Variants in MACROD2 observed in about 807,000 individuals in gnomAD.
MACROD2 encodes ADP-ribose glycohydrolase MACROD2.
In MACROD2, 36 loss-of-function variants were observed where a neutral mutation model predicts 70.4. The observed-to-expected ratio is 0.51, with a 90% confidence interval of 0.39 to 0.68. The LOEUF (loss-of-function observed/expected upper bound fraction) is 0.68, where lower values mean the gene tolerates loss of function less well. MACROD2 is among the 30% of genes least tolerant of loss of function. The pLI is 0.00. For synonymous variants in MACROD2, 172 were observed against 178.8 expected (o/e 0.96, Z 0.30); for missense variants, 496 against 538.4 (o/e 0.92, Z 0.78).
At chr20:15,039,002 ATC>A (rs2075334867) in intron 5 of MACROD2, among the ~76,000 whole-genome samples, 1 of 152,188 alleles carries the variant, frequency 6.6e-6, no homozygotes, top group African/African-American at 2.4e-5. Context: ...TGATACTTTT[ATC>A]TCACCCCTTA....
At position 14,690,465 on chromosome 20, in the gene MACROD2, T is replaced by G. The variant is rs150648385; in HGVS notation, c.418+5506T>G. 5.1e-3 allele frequency among the ~76,000 whole-genome samples: 775 copies of G among 152,346 alleles called. 10 individuals are homozygous for G. The highest frequency in any genetic ancestry group is 0.017 in the African/African-American group (721 of 41,578). ...GCTTAAAATGTACTGTTGATAATAA[T>G]TAGTACTTCTTTTCTGCCCTTTATC... On this transcript the variant is annotated intron_variant, in intron 5 of 17. Coordinates refer to ENST00000684519, the MANE Select transcript of MACROD2 (RefSeq NM_001351661.2).
chr20:15,027,559 G>GGT (rs375611646), intron 5 of MACROD2, among the ~76,000 whole-genome samples: 14 of 119,630 alleles, frequency 1.2e-4, no homozygotes, highest in Admixed American at 1.0e-3. Context: ...GGTGGTGGTG[G>GGT]GGGGAAATAA....
At chr20:14,011,400 C>T (rs989650046) in intron 2 of MACROD2, among the ~76,000 whole-genome samples, 4 of 152,150 alleles carry the variant, frequency 2.6e-5, no homozygotes, top group Non-Finnish European at 5.9e-5. Flanking sequence ...CTGTCCCTTC[C>T]TGTTTTAAAT....
At chr20:14,634,346 C>G (rs1984670598) in intron 4 of MACROD2, among the ~76,000 whole-genome samples, 1 of 152,198 alleles carries the variant, frequency 6.6e-6, no homozygotes, top group Non-Finnish European at 1.5e-5. Context: ...GTGTTTTGCA[C>G]AGAGTAAGCA....
At chr20:14,021,076 G>A (rs1260741047) in intron 2 of MACROD2, among the ~76,000 whole-genome samples, 3 of 140,248 alleles carry the variant, frequency 2.1e-5, no homozygotes, top group African/African-American at 5.4e-5. Flanking sequence ...TGCAAGCTCC[G>A]CCTCCCAGGT....
At chr20:14,588,418 A>G (rs919450485) in intron 4 of MACROD2, among the ~76,000 whole-genome samples, 5 of 152,188 alleles carry the variant, frequency 3.3e-5, no homozygotes, top group Non-Finnish European at 7.4e-5. Context: ...TGTTTTACCT[A>G]TATTTTTAAA....
At chr20:14,120,234 A>AAAAAG (rs1555922267) in intron 3 of MACROD2, among the ~76,000 whole-genome samples, 3 of 147,510 alleles carry the variant, frequency 2.0e-5, no homozygotes, top group Non-Finnish European at 3.0e-5. Context: ...AAAAAAAAAA[A>AAAAAG]GAAGAAGACA....
chr20:15,794,882 C>T (rs974159976), intron 8 of MACROD2, among the ~76,000 whole-genome samples: 7 of 152,082 alleles, frequency 4.6e-5, no homozygotes, highest in Non-Finnish European at 7.3e-5. Flanking sequence ...TCAGATAGAC[C>T]GATAGATACA....
intron 8 of MACROD2, among the ~76,000 whole-genome samples, chr20:15,543,578 A>T (rs2047987024): frequency 6.6e-6 from 1 of 151,718 alleles, no homozygotes; most frequent in Non-Finnish European, 1.5e-5. Context: ...TTTCCTTCCA[A>T]GCAATGAGGT....
chr20:15,163,719 T>A (rs1470199635), intron 5 of MACROD2, among the ~76,000 whole-genome samples: 1 of 151,942 alleles, frequency 6.6e-6, no homozygotes, highest in East Asian at 1.9e-4. Flanking sequence ...TTTAATGGAT[T>A]GTAAATTTTT....
intron 2 of MACROD2, among the ~76,000 whole-genome samples, chr20:14,003,199 C>G (rs2052759481): frequency 6.6e-6 from 1 of 152,138 alleles, no homozygotes; most frequent in South Asian, 2.1e-4. Flanking sequence ...TGGAACTACA[C>G]CGGGTACTAT....
rs148082988 is a variant in MACROD2, at chr20:14,423,244, G to T, written c.272-70235G>T. ...CCACAAAATTTTCTATTATTTCGAA[G>T]ATAGGTTTTTTTTTGTTTTTGTTTT... On this transcript the variant is annotated intron_variant, in intron 3 of 17. Coordinates refer to ENST00000684519, the MANE Select transcript of MACROD2 (RefSeq NM_001351661.2). Among the ~76,000 whole-genome samples, 783 of 152,256 alleles carry T rather than the reference G, an allele frequency of 5.1e-3. 18 individuals are homozygous for T. Among genetic ancestry groups the T allele is most frequent in the Admixed American group, 0.043 (650 of 15,290 alleles).
chr20:14,203,543 G>A (rs926300810), intron 3 of MACROD2, among the ~76,000 whole-genome samples: 1 of 152,138 alleles, frequency 6.6e-6, no homozygotes, highest in Non-Finnish European at 1.5e-5. Flanking sequence ...CCTTCACTGA[G>A]AAAGATTTTT....
chr20:14,493,278 G>T (rs1025831869), intron 3 of MACROD2, among the ~76,000 whole-genome samples: 24 of 151,928 alleles, frequency 1.6e-4, no homozygotes, highest in African/African-American at 4.8e-4. Flanking sequence ...AGAGAAAAAA[G>T]ATAAAAGTAG....
chr20:15,003,471 A>G (rs555550573), intron 5 of MACROD2, among the ~76,000 whole-genome samples: 6 of 152,354 alleles, frequency 3.9e-5, no homozygotes, highest in South Asian at 4.1e-4. Context: ...TAAACAGATC[A>G]TAAGAGTCTA....
At chr20:16,013,724 A>T (rs1051538230) in intron 15 of MACROD2, among the ~76,000 whole-genome samples, 3 of 152,210 alleles carry the variant, frequency 2.0e-5, no homozygotes, top group African/African-American at 4.8e-5. Flanking sequence ...CAGGAGAGAG[A>T]CAGAGAAAGT....
chr20:15,705,019 C>T (rs982479534), intron 8 of MACROD2, among the ~76,000 whole-genome samples: 3 of 152,178 alleles, frequency 2.0e-5, no homozygotes, highest in African/African-American at 7.2e-5. Flanking sequence ...CTTGATTACT[C>T]TGCTGCTAAT....
At chr20:14,558,960 T>A (rs1341075049) in intron 4 of MACROD2, among the ~76,000 whole-genome samples, 5 of 151,662 alleles carry the variant, frequency 3.3e-5, no homozygotes, top group Non-Finnish European at 7.4e-5. Context: ...TCAAGCTTCA[T>A]ATTATAACAC....
At chr20:14,214,296 A>G (rs1021232218) in intron 3 of MACROD2, among the ~76,000 whole-genome samples, 1 of 152,084 alleles carries the variant, frequency 6.6e-6, no homozygotes, top group African/African-American at 2.4e-5. Flanking sequence ...GCATTAAAAG[A>G]AAACAAAAAC....
Sources: gnomAD v4.1 joint callset for allele counts (sites outside exome capture counted in the v4.1 genomes callset) on GRCh38, gnomAD v4.1.1 for gene constraint, MANE v1.5 for transcripts, NCBI Gene and HGNC (gene_info 2026-07-23, HGNC 2026-07-21) for gene names.